Variants in ARID2 observed in about 807,000 individuals in gnomAD.
The protein encoded by ARID2 is AT-rich interaction domain 2.
ARID2 carries 32 observed loss-of-function variants against 184.6 expected under a neutral mutation model. That is an observed-to-expected ratio of 0.17 (90% CI 0.13 to 0.23). ARID2 has a LOEUF of 0.23. Ranked by LOEUF, ARID2 falls within the 10% of genes least tolerant of loss-of-function variation. ARID2 has a pLI of 1.00. For synonymous variants in ARID2, 836 were observed against 772.6 expected (o/e 1.08, Z -1.36); for missense variants, 1,696 against 2,197.6 (o/e 0.77, Z 4.56).
chr12:45,890,173 A>G (rs1371653074), intron 16 of ARID2, among the ~76,000 whole-genome samples: 1 of 152,236 alleles, frequency 6.6e-6, no homozygotes, highest in Non-Finnish European at 1.5e-5. Flanking sequence ...CTGAGGACAG[A>G]TAGACTAATG....
At position 45,905,089 on chromosome 12, in the gene ARID2, C is replaced by T; in HGVS notation, c.*11C>T. ...GAAATGCTGCAGTGAAAAATAATTC[C>T]ACTTACACAGTGGGGGACTCAAAGT... is the stretch of plus-strand genomic sequence containing the variant. On this transcript the variant is annotated 3_prime_UTR_variant, in exon 21 of 21. Coordinates refer to ENST00000334344, the MANE Select transcript of ARID2 (RefSeq NM_152641.4). 1 of 1,611,288 alleles carries T rather than the reference C, an allele frequency of 6.2e-7. No individual in the cohort carries two copies. Among genetic ancestry groups the T allele is most frequent in the Non-Finnish European group, 8.5e-7 (1 of 1,178,618 alleles).
chr12:45,855,946 T>G (rs1485846409), intron 15 of ARID2, among the ~76,000 whole-genome samples: 3 of 152,096 alleles, frequency 2.0e-5, no homozygotes, highest in African/African-American at 4.8e-5. Context: ...CAGGCTGGTC[T>G]TAAACTCCTA....
intron 3 of ARID2, among the ~76,000 whole-genome samples, chr12:45,745,698 A>T (rs950559799): frequency 7.9e-5 from 12 of 152,098 alleles, no homozygotes; most frequent in African/African-American, 2.7e-4. Flanking sequence ...CAGGCACACA[A>T]CAACATGCCT....
chr12:45,792,375 T>C (rs1258767684), intron 3 of ARID2, among the ~76,000 whole-genome samples: 1 of 152,206 alleles, frequency 6.6e-6, no homozygotes, highest in Non-Finnish European at 1.5e-5. Flanking sequence ...TATTGTTACC[T>C]AATATGTACT....
chr12:45,899,639 ATATATATATT>A (rs1944421658), intron 20 of ARID2, among the ~76,000 whole-genome samples: 1 of 133,582 alleles, frequency 7.5e-6, no homozygotes, highest in Non-Finnish European at 1.6e-5. Context: ...TTGGTTATAT[ATATATATATT>A]TGGTTATATA....
intron 3 of ARID2, among the ~76,000 whole-genome samples, chr12:45,801,207 T>C (rs1942493294): frequency 6.6e-6 from 1 of 151,386 alleles, no homozygotes; most frequent in African/African-American, 2.4e-5. Flanking sequence ...AGCTACTTGG[T>C]AGGCTGAGGC....
At chr12:45,839,949 G>A (rs1300543163) in intron 11 of ARID2, 1 of 158,638 alleles carries the variant, frequency 6.3e-6, no homozygotes, top group African/African-American at 2.4e-5. Context: ...CAGCCTAGGA[G>A]AAGACACATG....
At chr12:45,730,164 C>A in intron 2 of ARID2, 27 bp downstream of exon 2, 1 of 1,608,742 alleles carries the variant, frequency 6.2e-7, no homozygotes, top group Non-Finnish European at 8.5e-7. Context: ...ATTTGTATTT[C>A]CCTCTCGCTG....
In ARID2 at chr12:45,852,004, T is replaced by C; in HGVS notation, c.3881T>C (p.Leu1294Ser). 3 of 1,614,136 alleles carry C rather than the reference T, an allele frequency of 1.9e-6. No homozygotes were observed. Among genetic ancestry groups the C allele is most frequent in the Non-Finnish European group, 2.5e-6 (3 of 1,180,006 alleles). The change falls in exon 15 of 21, where the codon TTA becomes TCA. Residue 1294 changes from leucine to serine, a missense_variant. Coordinates refer to ENST00000334344, the MANE Select transcript of ARID2 (RefSeq NM_152641.4). The stretch of plus-strand genomic sequence containing the variant: ...AATGAAATGCATGTGGGAAGTCTTT[T>C]AAATGGGAGAAAGTACAGTGACTCA... ...KENEMHVGSL[L>S]NGRKYSDSSL...
At chr12:45,809,222 A>G (rs1222974551) in intron 3 of ARID2, among the ~76,000 whole-genome samples, 1 of 152,208 alleles carries the variant, frequency 6.6e-6, no homozygotes, top group South Asian at 2.1e-4. Context: ...CCATTCCACA[A>G]TGAGTTCAAA....
At chr12:45,806,280 TTTGATCAAGATG>T in intron 3 of ARID2, among the ~76,000 whole-genome samples, 1 of 152,112 alleles carries the variant, frequency 6.6e-6, no homozygotes, top group Non-Finnish European at 1.5e-5. Flanking sequence ...AGCTTAAATC[TTTGATCAAGATG>T]TATCTGAGTA....
At chr12:45,813,029 T>C (rs2138085469) in intron 4 of ARID2, among the ~76,000 whole-genome samples, 1 of 152,322 alleles carries the variant, frequency 6.6e-6, no homozygotes, top group African/African-American at 2.4e-5. Flanking sequence ...TTCGGAAGCC[T>C]ATAATGAAAG....
chr12:45,857,868 T>C (rs529265511), intron 15 of ARID2, among the ~76,000 whole-genome samples: 1 of 152,216 alleles, frequency 6.6e-6, no homozygotes, highest in Non-Finnish European at 1.5e-5. Context: ...TAAGCAATCC[T>C]CCTTCTTCAG....
intron 3 of ARID2, among the ~76,000 whole-genome samples, chr12:45,765,512 C>T (rs933713676): frequency 2.2e-4 from 32 of 148,010 alleles, no homozygotes; most frequent in African/African-American, 7.2e-4. Context: ...AACCTGGCCT[C>T]GGTTTTTTTT....
At position 45,905,933 on chromosome 12, in the gene ARID2, C is replaced by CT. The variant is rs1944521810; in HGVS notation, c.*861dup. 9.7e-6 allele frequency: 2 copies of CT among 206,100 alleles called. No homozygotes were observed. Among genetic ancestry groups the CT allele is most frequent in the African/African-American group, 6.0e-5 (2 of 33,310 alleles). 12.8% of individuals were successfully genotyped at this position (206,100 alleles called of 1,614,324 possible). ...TTTTGTGGAACTGTGATTTTTTTTT[C>CT]TTTTTTCTTTTTTTTTTTCTTTTTT... On this transcript the variant is annotated 3_prime_UTR_variant, in exon 21 of 21. Transcript: ENST00000334344.
chr12:45,862,115 G>A (rs1448794762), intron 16 of ARID2, among the ~76,000 whole-genome samples: 2 of 152,136 alleles, frequency 1.3e-5, no homozygotes, highest in Non-Finnish European at 2.9e-5. Flanking sequence ...GGATAGCAAT[G>A]ATCAAACTGT....
In ARID2 at chr12:45,851,637, G is replaced by T. The variant is rs1943552099; in HGVS notation, c.3514G>T (p.Val1172Leu). 6.2e-7 allele frequency: 1 copy of T among 1,614,162 alleles called. No individual in the cohort carries two copies. Among genetic ancestry groups the T allele is most frequent in the Non-Finnish European group, 8.5e-7 (1 of 1,180,014 alleles). The change falls in exon 15 of 21, where the codon GTA becomes TTA. Residue 1172 changes from valine (V) to leucine (L), a missense_variant. Val to Leu is a conservative substitution (Grantham distance 32). Coordinates refer to ENST00000334344, the MANE Select transcript of ARID2 (RefSeq NM_152641.4). ...TTTCCAAGGGACTTCTGGCAACCAGGTAACCATAACAGTTGTGCCAAATAC... is the reference window on the plus strand; with the variant it reads ...TTTCCAAGGGACTTCTGGCAACCAGTTAACCATAACAGTTGTGCCAAATAC... Reference protein sequence around the residue: ...TIFQGTSGNQVTITVVPNTSF... With the variant: ...TIFQGTSGNQLTITVVPNTSF...
intron 3 of ARID2, among the ~76,000 whole-genome samples, chr12:45,749,719 G>C (rs991542813): frequency 3.3e-5 from 5 of 152,194 alleles, no homozygotes; most frequent in African/African-American, 1.2e-4. Flanking sequence ...GTCACCACTT[G>C]CTGCTTCACC....
intron 3 of ARID2, among the ~76,000 whole-genome samples, chr12:45,802,067 C>A (rs1942514203): frequency 6.8e-6 from 1 of 147,126 alleles, no homozygotes; most frequent in African/African-American, 2.5e-5. Context: ...GGCTCCCCCA[C>A]CCCCACCCAC....
Sources: gnomAD v4.1 joint callset for allele counts (sites outside exome capture counted in the v4.1 genomes callset) on GRCh38, gnomAD v4.1.1 for gene constraint, MANE v1.5 for transcripts, NCBI Gene and HGNC (gene_info 2026-07-23, HGNC 2026-07-21) for gene names.